The following CAND2 variants were observed in gnomAD, a reference collection of about 807,000 sequenced individuals.
CAND2 encodes cullin associated and neddylation dissociated 2 (putative).
In CAND2, 62 loss-of-function variants were observed where a neutral mutation model predicts 98.9. The observed-to-expected ratio is 0.63, with a 90% CI of 0.51 to 0.77. CAND2 has a LOEUF of 0.77. Among genes scored for constraint, CAND2 ranks in the 30% least tolerant of loss-of-function variants. The probability of loss-of-function intolerance (pLI) is 0.00; values close to 1 mark genes in which losing one functional copy is unlikely to be tolerated. For synonymous variants in CAND2, 770 were observed against 731.9 expected, an observed-to-expected ratio of 1.05 and a Z score of -0.84; for missense variants, 1,501 against 1,655.2, an observed-to-expected ratio of 0.91 and a Z score of 1.62.
chr3:12,817,865 A>C lies in CAND2; in HGVS notation c.2933A>C (p.Gln978Pro). 1 of 1,505,640 alleles carries C rather than the reference A, an allele frequency of 6.6e-7. No homozygotes were observed. Among genetic ancestry groups the C allele is most frequent in the Non-Finnish European group, 8.9e-7 (1 of 1,126,622 alleles). The allele number at this position is 1,505,640 out of a possible 1,614,324, so 93.3% of individuals were successfully genotyped here. A position where few individuals can be genotyped will look rare whatever the true frequency, so the allele number is the denominator to read the frequency against. ...TTCCTTCTGCCCCGCTTGCGGAAGC[A>C]GCTTGCTGCAGGTAGGCACACAGGT... is the stretch of plus-strand genomic sequence containing the variant. ...PSFLLPRLRK[Q>P]LAAGRPHTRS... is the part of the protein sequence containing the mutation. Residue 978 changes from glutamine (Q) to proline (P), a missense_variant, in exon 10 of 15, where the codon CAG becomes CCG. This residue lies in a region of CAND2 where 1,427 missense variants were observed against 1,545.3 expected (regional missense o/e 0.92). Coordinates refer to ENST00000456430, the MANE Select transcript of CAND2 (RefSeq NM_001162499.2).
intron 5 of CAND2, among the ~76,000 whole-genome samples, chr3:12,812,488 T>G (rs1297021024): frequency 1.5e-5 from 2 of 137,318 alleles, no homozygotes; most frequent in Non-Finnish European, 3.0e-5. Context: ...CACTGCAAGC[T>G]CCGCTTCCCG....
Position 12,803,660 on chromosome 3 carries a change from AG to A in CAND2, c.212+34del, listed in dbSNP as rs1347744367. ...AGTGTCAGCCTCGGTGGAGCAGGAG[AG>A]GGGGCCCTACCTTGTGTGGGAGCAT... On this transcript the variant is annotated intron_variant, in intron 2 of 14. Transcript: ENST00000456430. 3.2e-6 allele frequency: 5 copies of A among 1,561,630 alleles called. No homozygotes were observed. The African/African-American group carries it at 6.8e-5, about 21-fold the overall frequency.
intron 3 of CAND2, 131 bp from the exon 4 acceptor site, chr3:12,808,079 C>T: frequency 8.3e-7 from 1 of 1,206,618 alleles, no homozygotes. Context: ...AAACCTGGGA[C>T]CTCTGGAGCC....
At chr3:12,828,531 G>A (rs1460696198) in intron 13 of CAND2, among the ~76,000 whole-genome samples, 3 of 151,940 alleles carry the variant, frequency 2.0e-5, no homozygotes, top group African/African-American at 2.4e-5. Flanking sequence ...TAGTAGAGAC[G>A]GGGTTTCACC....
At chr3:12,814,931 T>G (rs1470845675) in intron 7 of CAND2, among the ~76,000 whole-genome samples, 4 of 152,118 alleles carry the variant, frequency 2.6e-5, no homozygotes, top group African/African-American at 7.2e-5. Context: ...TAAAATAAGA[T>G]TATGGGTTTG....
chr3:12,820,070 T>C lies in CAND2; in HGVS notation c.2945-16T>C. Reference sequence around the variant, plus strand: ...GGCCCCTGCCCCTCACTAACTCACCTCTTCTTGTCCTGCAGGTCGGCCACA... The same window carrying C: ...GGCCCCTGCCCCTCACTAACTCACCCCTTCTTGTCCTGCAGGTCGGCCACA... On this transcript the variant is annotated splice_polypyrimidine_tract_variant and intron_variant, in intron 10 of 14. Transcript: ENST00000456430. 5.6e-6 allele frequency: 9 copies of C among 1,611,244 alleles called. No homozygotes were observed. Among genetic ancestry groups the C allele is most frequent in the Non-Finnish European group, 7.6e-6 (9 of 1,177,510 alleles).
chr3:12,807,542 A>AG, intron 3 of CAND2, 82 bp downstream of exon 3: 1 of 1,394,412 alleles, frequency 7.2e-7, no homozygotes. Flanking sequence ...CAAAAAAAAA[A>AG]CACTGAGGCT....
intron 13 of CAND2, among the ~76,000 whole-genome samples, chr3:12,830,222 A>C (rs1056181458): frequency 2.0e-5 from 3 of 152,218 alleles, no homozygotes; most frequent in South Asian, 2.1e-4. Flanking sequence ...AAGAAACAAC[A>C]TAAGTTCTCT....
At chr3:12,822,471 A>AT (rs1401062697) in intron 11 of CAND2, among the ~76,000 whole-genome samples, 2 of 151,506 alleles carry the variant, frequency 1.3e-5, no homozygotes, top group South Asian at 4.2e-4. Context: ...TACTTTTTAA[A>AT]TTTTTTTTAT....
intron 13 of CAND2, among the ~76,000 whole-genome samples, chr3:12,830,145 G>T (rs769781338): frequency 6.7e-4 from 102 of 152,134 alleles, no homozygotes; most frequent in Non-Finnish European, 1.3e-3. Context: ...CTGTCTGCCT[G>T]TCTCCCCCTC....
At chr3:12,812,221 C>CTTCTTTTTTTTT (rs2061857159) in intron 5 of CAND2, among the ~76,000 whole-genome samples, 1 of 74,514 alleles carries the variant, frequency 1.3e-5, no homozygotes, top group Non-Finnish European at 2.5e-5. Context: ...AGCTGTTTAT[C>CTTCTTTTTTTTT]TTTTTTTTTT....
chr3:12,827,238 A>C (rs1006358334), intron 12 of CAND2, among the ~76,000 whole-genome samples: 2 of 152,076 alleles, frequency 1.3e-5, no homozygotes, highest in Non-Finnish European at 2.9e-5. Flanking sequence ...GTAGATTATA[A>C]GAATAATTGT....
At chr3:12,799,904 A>G (rs898165598) in intron 1 of CAND2, among the ~76,000 whole-genome samples, 1 of 144,642 alleles carries the variant, frequency 6.9e-6, no homozygotes, top group Non-Finnish European at 1.5e-5. Context: ...TGGGCTCTTG[A>G]TGGGTGAATA....
chr3:12,796,787 A>C lies in CAND2; in HGVS notation c.67A>C (p.Arg23=). 1.3e-6 allele frequency: 2 copies of C among 1,582,620 alleles called. No homozygotes were observed. The highest frequency in any genetic ancestry group is 1.3e-5 in the African/African-American group (1 of 74,374). The part of the protein sequence containing the change: ...EKMTSSDKDF[R]FMATSDLMSE... Reference sequence around the variant, plus strand: ...GATGACGTCCAGCGACAAGGACTTCAGGTGCAGCCCGCCGCCGGCCCCCTT... The same window carrying C: ...GATGACGTCCAGCGACAAGGACTTCCGGTGCAGCCCGCCGCCGGCCCCCTT... The change falls in exon 1 of 15, where the codon AGG becomes CGG. Residue 23 remains arginine (R), a splice_region_variant and synonymous_variant. Transcript: ENST00000456430.
At position 12,815,539 on chromosome 3, in the gene CAND2, G is replaced by T; in HGVS notation, c.1299+106G>T. Reference sequence around the variant, plus strand: ...TCAGCTGGGAGAACATCCAGCCATGGAAGGGAAGGGAAGGGGTCCCTGGGG... The same window carrying T: ...TCAGCTGGGAGAACATCCAGCCATGTAAGGGAAGGGAAGGGGTCCCTGGGG... On this transcript the variant is annotated intron_variant, in intron 8 of 14. Coordinates refer to ENST00000456430, the MANE Select transcript of CAND2 (RefSeq NM_001162499.2). The surrounding 1 kb of genome is among the most constrained non-coding windows in gnomAD (Gnocchi z 5.7). 1 of 1,179,278 alleles carries T rather than the reference G, an allele frequency of 8.5e-7. No individual in the cohort carries two copies. The allele number at this position is 1,179,278 out of a possible 1,614,324, so 73.1% of individuals were successfully genotyped here.
rs377512664 is a variant in CAND2 at position 12,816,746 on chromosome 3, G to A, written c.1814G>A (p.Arg605Gln). The A allele has an allele frequency of 1.7e-5, 28 of 1,613,504 alleles. No homozygotes were observed. In the East Asian group the frequency reaches 3.3e-4, roughly 19 times the overall value. ...CACCTTGTAGGCCACCTGGGTGACC[G>A]GCTTGGGGATGACCTGGAGCCCACG... ...MGHLVGHLGD[R>Q]LGDDLEPTLL... Residue 605 changes from arginine to glutamine, a missense_variant, in exon 10 of 15, where the codon CGG becomes CAG. Coordinates refer to ENST00000456430, the MANE Select transcript of CAND2 (RefSeq NM_001162499.2).
At chr3:12,827,628 T>C in intron 13 of CAND2, 24 bp downstream of exon 13, 1 of 1,589,602 alleles carries the variant, frequency 6.3e-7, no homozygotes, top group Non-Finnish European at 8.6e-7. Flanking sequence ...CCCTGCCAGA[T>C]CTATGTGCCC....
Position 12,820,130 on chromosome 3 carries a change from C to T in CAND2, c.2989C>T (p.Leu997Phe). The change falls in exon 11 of 15, where the codon CTT (leucine) becomes TTT (phenylalanine). Residue 997 changes from leucine to phenylalanine, a missense_variant. Leu to Phe is a conservative substitution (Grantham distance 22, BLOSUM62 0). Transcript: ENST00000456430. ...RSTVITAVKF[L>F]ISDQPHPIDP... ...CACCGTCATCACAGCGGTCAAGTTCCTTATCTCGGACCAGCCCCATCCCAT... is the reference window on the plus strand; with the variant it reads ...CACCGTCATCACAGCGGTCAAGTTCTTTATCTCGGACCAGCCCCATCCCAT... 1.9e-6 allele frequency: 3 copies of T among 1,614,202 alleles called. No individual in the cohort carries two copies. Among genetic ancestry groups the T allele is most frequent in the Non-Finnish European group, 2.5e-6 (3 of 1,180,024 alleles).
At chr3:12,802,328 AAAAAC>A (rs141564547) in intron 1 of CAND2, among the ~76,000 whole-genome samples, 8,318 of 152,190 alleles carry the variant, frequency 0.055, 696 homozygotes, top group African/African-American at 0.19. Flanking sequence ...CTCCATCTCA[AAAAAC>A]AAAACAAAAC....
Sources: gnomAD v4.1 joint callset for allele counts (sites outside exome capture counted in the v4.1 genomes callset) on GRCh38, gnomAD v4.1.1 for gene constraint, gnomAD v4.1.1 regional missense constraint, Gnocchi (gnomAD v3.1) non-coding constraint, MANE v1.5 for transcripts, NCBI Gene and HGNC (gene_info 2026-07-23, HGNC 2026-07-21) for gene names.